Variants in CXXC5 observed in about 807,000 individuals in gnomAD.
The protein encoded by CXXC5 is CXXC finger protein 5, also known as CXXC-type zinc finger protein 5.
CXXC5 carries 2 observed loss-of-function variants against 17.6 expected under a neutral mutation model. The observed-to-expected ratio is 0.11, with a 90% CI of 0.05 to 0.36. CXXC5 has a LOEUF of 0.36. CXXC5 is among the 10% of genes least tolerant of loss of function. The probability of loss-of-function intolerance (pLI) is 1.00; values close to 1 mark genes in which losing one functional copy is unlikely to be tolerated. For missense variants in CXXC5, 343 were observed against 458.3 expected (o/e 0.75, Z 2.30); for synonymous variants, 171 against 193.0 (o/e 0.89, Z 0.94).
intron 1 of CXXC5, among the ~76,000 whole-genome samples, chr5:139,652,176 GTGTGTGTGTGTGTGTGTGTGGC>G (rs1221915940): frequency 1.3e-5 from 2 of 150,610 alleles, no homozygotes; most frequent in African/African-American, 4.9e-5. Flanking sequence ...GCGCGCGTGT[GTGTGTGTGTGTGTGTGTGTGGC>G]TGTGTATGTG....
Position 139,682,880 on chromosome 5 carries a change from G to A in CXXC5, c.942G>A (p.Thr314=), listed in dbSNP as rs750954896. 1.8e-5 allele frequency: 29 copies of A among 1,593,994 alleles called. No homozygotes were observed. The highest frequency in any genetic ancestry group is 1.2e-4 in the East Asian group (5 of 43,218). Residue 314 remains threonine (T), a synonymous_variant, in exon 3 of 3, where the codon ACG becomes ACA. Transcript: ENST00000302517. ...SAALEKVMLP[T]GAAFRWFQ ...CCCGCCAGAAGGTGATGCTTCCGACGGGAGCCGCCTTCCGGTGGTTTCAGT... is the reference window on the plus strand; with the variant it reads ...CCCGCCAGAAGGTGATGCTTCCGACAGGAGCCGCCTTCCGGTGGTTTCAGT...
chr5:139,651,133 T>G (rs1182080492), intron 1 of CXXC5: 2 of 152,490 alleles, frequency 1.3e-5, no homozygotes, highest in Non-Finnish European at 2.9e-5. Flanking sequence ...TAGTCAGCCT[T>G]GGCCTCCCTC....
rs769526450 is a variant in CXXC5 at position 139,680,515 on chromosome 5, G to A, written c.-9G>A. 6 of 1,548,858 alleles carry A rather than the reference G, an allele frequency of 3.9e-6. No individual in the cohort carries two copies. In the East Asian group the frequency reaches 7.3e-5, roughly 19 times the overall value. On this transcript the variant is annotated 5_prime_UTR_variant, in exon 2 of 3. Transcript: ENST00000302517. The stretch of plus-strand genomic sequence containing the variant: ...CCCTCTGCAGTGGGGTCTGGGCCTC[G>A]GCCCCACCATGTCGAGCCTCGGCGG...
intron 1 of CXXC5, among the ~76,000 whole-genome samples, chr5:139,665,380 G>A (rs1756052548): frequency 6.6e-6 from 1 of 152,250 alleles, no homozygotes; most frequent in Admixed American, 6.5e-5. Flanking sequence ...GGATGAGCTG[G>A]GCCGGCCATG....
At chr5:139,669,281 C>T (rs1756312416) in intron 1 of CXXC5, among the ~76,000 whole-genome samples, 1 of 152,230 alleles carries the variant, frequency 6.6e-6, no homozygotes, top group Admixed American at 6.5e-5. Context: ...TTTAATTATG[C>T]AGCCAGTGCT....
chr5:139,650,504 A>C (rs938020505), intron 1 of CXXC5, among the ~76,000 whole-genome samples: 1 of 152,166 alleles, frequency 6.6e-6, no homozygotes, highest in Non-Finnish European at 1.5e-5. Context: ...GCCGGCAAAC[A>C]GAGTCCCTTT....
intron 1 of CXXC5, among the ~76,000 whole-genome samples, chr5:139,650,250 C>T (rs767152388): frequency 2.0e-5 from 3 of 152,168 alleles, no homozygotes; most frequent in Non-Finnish European, 2.9e-5. Flanking sequence ...ACCGCGCCCT[C>T]CTTTGCCCCC....
chr5:139,669,553 A>G (rs1017709198), intron 1 of CXXC5, among the ~76,000 whole-genome samples: 1 of 152,056 alleles, frequency 6.6e-6, no homozygotes, highest in Non-Finnish European at 1.5e-5. Flanking sequence ...CAGGACAGCT[A>G]TGGCTTTAAA....
chr5:139,667,983 G>A (rs1028607885), intron 1 of CXXC5, among the ~76,000 whole-genome samples: 3 of 152,090 alleles, frequency 2.0e-5, no homozygotes, highest in East Asian at 1.9e-4. Flanking sequence ...ATTAGTCAGC[G>A]CTCCAAGGAG....
Position 139,680,434 on chromosome 5 carries a change from T to C in CXXC5, c.-90T>C, listed in dbSNP as rs1757115745. 3.4e-6 allele frequency: 5 copies of C among 1,461,418 alleles called. No individual in the cohort carries two copies. Among genetic ancestry groups the C allele is most frequent in the African/African-American group, 1.4e-5 (1 of 70,944 alleles). 90.5% of individuals were successfully genotyped at this position (1,461,418 alleles called of 1,614,324 possible). On this transcript the variant is annotated 5_prime_UTR_variant, in exon 2 of 3. Coordinates refer to ENST00000302517, the MANE Select transcript of CXXC5 (RefSeq NM_016463.9). The stretch of plus-strand genomic sequence containing the variant: ...AGCAGCGAGGCCCACCAGGCATCTC[T>C]GTTGTGGGCAGCAGGGCCAGGTCCT...
intron 1 of CXXC5, among the ~76,000 whole-genome samples, chr5:139,657,187 A>C (rs902729000): frequency 3.9e-5 from 6 of 152,168 alleles, no homozygotes; most frequent in Non-Finnish European, 8.8e-5. Flanking sequence ...GGACAGATGC[A>C]TGTTGTTAGC....
chr5:139,648,200 C>A (rs1754962264), upstream of CXXC5: 2 of 150,062 alleles, frequency 1.3e-5, no homozygotes, highest in African/African-American at 4.9e-5. Context: ...TCCAAGTGGC[C>A]CGAGCTGCGC....
At chr5:139,671,705 G>A (rs1028191095) in intron 1 of CXXC5, among the ~76,000 whole-genome samples, 1 of 152,254 alleles carries the variant, frequency 6.6e-6, no homozygotes, top group African/African-American at 2.4e-5. Context: ...CAGGGCCTTG[G>A]GGTACAGCTG....
rs776427352 is a variant in CXXC5, at chr5:139,681,452, C to T, written c.924+5C>T. The stretch of plus-strand genomic sequence containing the variant: ...AAGCCTTCCGCTGCTCTGGAGGTAA[C>T]GGCGCCTTAGAGGGAGGTGTGTGGG... On this transcript the variant is annotated splice_donor_5th_base_variant and intron_variant, in intron 2 of 2. Transcript: ENST00000302517. 43 of 1,554,762 alleles carry T rather than the reference C, an allele frequency of 2.8e-5. No individual in the cohort carries two copies. Among genetic ancestry groups the T allele is most frequent in the Admixed American group, 1.3e-4 (7 of 54,322 alleles).
rs1224874360 is a variant in CXXC5 at position 139,654,515 on chromosome 5, A to G, written c.-161+5670A>G. The stretch of plus-strand genomic sequence containing the variant: ...AGGTGCTCACCTACAATCTGTATTC[A>G]GTAAACACTGGCTTTTATAGAGACA... On this transcript the variant is annotated intron_variant, in intron 1 of 2. Transcript: ENST00000302517. Among the ~76,000 whole-genome samples, 7 of 152,346 alleles carry G rather than the reference A, an allele frequency of 4.6e-5. No individual in the cohort carries two copies. The South Asian group carries it at 1.2e-3, about 27-fold the overall frequency.
intron 1 of CXXC5, among the ~76,000 whole-genome samples, chr5:139,655,654 CCT>C (rs1755450364): frequency 6.6e-6 from 1 of 152,026 alleles, no homozygotes; most frequent in South Asian, 2.1e-4. Context: ...CCTCCATTTC[CCT>C]CTTTTGTTGG....
chr5:139,653,264 C>T (rs1397821229), intron 1 of CXXC5, among the ~76,000 whole-genome samples: 2 of 152,126 alleles, frequency 1.3e-5, no homozygotes, highest in South Asian at 2.1e-4. Flanking sequence ...CATGTGATTA[C>T]GGGAATAAAA....
At position 139,680,905 on chromosome 5, in the gene CXXC5, G is replaced by A. The variant is rs764635929; in HGVS notation, c.382G>A (p.Asp128Asn). 5.6e-6 allele frequency: 9 copies of A among 1,603,534 alleles called. No homozygotes were observed. In the Admixed American group the frequency reaches 1.3e-4, roughly 24 times the overall value. ...TGACCTGGCGGCGGCCATGGCGGTG[G>A]ACAAAAGCAACCCTACCTCAAAGCA... Reference protein sequence around the residue: ...GHDLAAAMAVDKSNPTSKHKS... With the variant: ...GHDLAAAMAVNKSNPTSKHKS... Residue 128 changes from aspartate (D) to asparagine (N), a missense_variant, in exon 2 of 3, where the codon GAC (aspartate) becomes AAC (asparagine). Physicochemically the swap from Asp to Asn is conservative, Grantham distance 23. Coordinates refer to ENST00000302517, the MANE Select transcript of CXXC5 (RefSeq NM_016463.9).
chr5:139,682,897 G>A lies in CXXC5; in HGVS notation c.959G>A (p.Trp320Ter). 1 of 1,593,906 alleles carries A rather than the reference G, an allele frequency of 6.3e-7. No homozygotes were observed. Among genetic ancestry groups the A allele is most frequent in the Non-Finnish European group, 8.5e-7 (1 of 1,169,634 alleles). ...CTTCCGACGGGAGCCGCCTTCCGGT[G>A]GTTTCAGTGACGGCGGCGGAACCCA... ...VMLPTGAAFR[W>*]FQ is the part of the protein sequence containing the mutation. Residue 320 changes from tryptophan to a stop codon, truncating the protein, a stop_gained, in exon 3 of 3, where the codon TGG (tryptophan) becomes TAG (stop). Coordinates refer to ENST00000302517, the MANE Select transcript of CXXC5 (RefSeq NM_016463.9). LOFTEE classifies it high-confidence loss of function.
Sources: gnomAD v4.1 joint callset for allele counts (sites outside exome capture counted in the v4.1 genomes callset) on GRCh38, gnomAD v4.1.1 for gene constraint, MANE v1.5 for transcripts, NCBI Gene and HGNC (gene_info 2026-07-23, HGNC 2026-07-21) for gene names.